DPP6: variants seen among roughly 807,000 people sequenced by gnomAD.
The protein encoded by DPP6 is A-type potassium channel modulatory protein DPP6.
DPP6 carries 69 observed loss-of-function variants against 122.6 expected under a neutral mutation model. The observed-to-expected ratio is 0.56, with a 90% CI of 0.46 to 0.69. DPP6 has a LOEUF of 0.69. Among genes scored for constraint, DPP6 ranks in the 30% least tolerant of loss-of-function variants. The pLI is 0.00. For missense variants in DPP6, 928 were observed against 1,116.9 expected (o/e 0.83, Z 2.41); for synonymous variants, 418 against 433.1 (o/e 0.97, Z 0.43).
At chr7:153,773,283 G>C in the DPP6 span, among the ~76,000 whole-genome samples, 1 of 144,570 alleles carries the variant, frequency 6.9e-6, no homozygotes, top group African/African-American at 2.5e-5. Flanking sequence ...GTGTGTGTGT[G>C]TGTGTGTGTC....
chr7:154,330,278 A>G lies in DPP6; in HGVS notation c.244-115936A>G, dbSNP rs1310820241. On this transcript the variant is annotated intron_variant, in intron 1 of 25. Transcript: ENST00000377770. ...CTAATTAATTGAAATTGAGATCACC[A>G]CAGATGGCAGAGGCTTTCATGTCAG... Among the ~76,000 whole-genome samples the G allele has an allele frequency of 3.9e-5, 6 of 152,254 alleles. No homozygotes were observed. In the East Asian group the frequency reaches 1.2e-3, roughly 29 times the overall value.
intron 1 of DPP6, among the ~76,000 whole-genome samples, chr7:154,370,864 G>A (rs575849423): frequency 1.3e-5 from 2 of 152,234 alleles, no homozygotes; most frequent in East Asian, 1.9e-4. Context: ...AAGTGAGTGC[G>A]GATTTCTAAT....
At chr7:154,559,347 G>GAA (rs372642507) in intron 4 of DPP6, among the ~76,000 whole-genome samples, 1,343 of 114,968 alleles carry the variant, frequency 0.012, 19 homozygotes, top group African/African-American at 0.039. Context: ...AGAGAAACTT[G>GAA]AAAAAAAAAA....
chr7:154,508,370 T>G (rs564160271), intron 3 of DPP6, among the ~76,000 whole-genome samples: 1 of 151,982 alleles, frequency 6.6e-6, no homozygotes, highest in Admixed American at 6.6e-5. Flanking sequence ...GGGACTGGGG[T>G]TCCCTCCAGC....
At chr7:154,107,332 G>T (rs1208151262) in intron 1 of DPP6, among the ~76,000 whole-genome samples, 1 of 152,208 alleles carries the variant, frequency 6.6e-6, no homozygotes, top group Non-Finnish European at 1.5e-5. Flanking sequence ...AATAAGCCAG[G>T]CACAGAAAGA....
intron 5 of DPP6, among the ~76,000 whole-genome samples, chr7:154,574,677 G>C: frequency 7.4e-6 from 1 of 135,254 alleles, no homozygotes; most frequent in South Asian, 2.6e-4. Context: ...TGTGTGGTGT[G>C]TGTGGTATAT....
intron 1 of DPP6, among the ~76,000 whole-genome samples, chr7:154,385,007 C>G (rs1477804782): frequency 1.3e-5 from 2 of 152,094 alleles, no homozygotes; most frequent in Non-Finnish European, 2.9e-5. Flanking sequence ...GGGAGTCTCG[C>G]TCTGTCGCCC....
intron 7 of DPP6, among the ~76,000 whole-genome samples, chr7:154,700,611 A>G (rs4960593): frequency 0.75 from 114,734 of 152,190 alleles, 45,361 homozygotes; most frequent in Non-Finnish European, 0.88. Context: ...AATCAGCTTC[A>G]GTTCTTTAAG....
intron 3 of DPP6, among the ~76,000 whole-genome samples, chr7:154,520,483 C>T (rs555799485): frequency 1.3e-5 from 2 of 152,370 alleles, no homozygotes; most frequent in South Asian, 2.1e-4. Context: ...AAAATAGAGG[C>T]CAAATTTCCA....
At chr7:154,524,049 A>C (rs936524169) in intron 3 of DPP6, among the ~76,000 whole-genome samples, 9 of 152,226 alleles carry the variant, frequency 5.9e-5, no homozygotes, top group African/African-American at 2.2e-4. Flanking sequence ...CAGTCTTCTG[A>C]AAGGTGGAAC....
Position 154,868,032 on chromosome 7 carries a change from G to C in DPP6, c.1752G>C (p.Lys584Asn), listed in dbSNP as rs992750742. ...TAGAAACAAATGAACATGTCAAGAA[G>C]GCCATAAATGACCGACAGATGCCTA... ...FDLETNEHVK[K>N]AINDRQMPKV... The change falls in exon 18 of 26, where the codon AAG becomes AAC. Residue 584 changes from lysine (K) to asparagine (N), a missense_variant. Coordinates refer to ENST00000377770, the MANE Select transcript of DPP6 (RefSeq NM_130797.4). 6.2e-7 allele frequency: 1 copy of C among 1,608,244 alleles called. No homozygotes were observed. The highest frequency in any genetic ancestry group is 1.3e-5 in the African/African-American group (1 of 74,842).
At position 154,875,708 on chromosome 7, in the gene DPP6, T is replaced by C. The variant is rs1038876583; in HGVS notation, c.1884-198T>C. On this transcript the variant is annotated intron_variant, in intron 19 of 25. Coordinates refer to ENST00000377770, the MANE Select transcript of DPP6 (RefSeq NM_130797.4). This position sits in a 1 kb window ranked among gnomAD's most constrained non-coding sequence, Gnocchi z 4.5. ...GTGTCCTAGGCTCTTGGAGGTCTCCTCTTCCTCCTCACTTTATGGGGTGTG... is the reference window on the plus strand; with the variant it reads ...GTGTCCTAGGCTCTTGGAGGTCTCCCCTTCCTCCTCACTTTATGGGGTGTG... Among the ~76,000 whole-genome samples, 1 of 152,142 alleles carries C rather than the reference T, an allele frequency of 6.6e-6. No individual in the cohort carries two copies. The highest frequency in any genetic ancestry group is 2.4e-5 in the African/African-American group (1 of 41,432).
At chr7:154,751,415 C>T (rs1028469249) in intron 8 of DPP6, among the ~76,000 whole-genome samples, 2 of 149,068 alleles carry the variant, frequency 1.3e-5, no homozygotes, top group Non-Finnish European at 3.0e-5. Flanking sequence ...GCCTGGCCAA[C>T]ATGGCAAAAC....
At chr7:153,927,528 AT>A (rs1308903999) in intron 1 of DPP6, among the ~76,000 whole-genome samples, 1 of 152,078 alleles carries the variant, frequency 6.6e-6, no homozygotes, top group Non-Finnish European at 1.5e-5. Flanking sequence ...CTTCAGTGAT[AT>A]CCATTGTAAC....
intron 3 of DPP6, among the ~76,000 whole-genome samples, chr7:154,523,201 T>G (rs1177748407): frequency 5.9e-5 from 9 of 152,224 alleles, no homozygotes; most frequent in Non-Finnish European, 1.0e-4. Context: ...GACATTACTG[T>G]GGTCTTTCTA....
the DPP6 span, among the ~76,000 whole-genome samples, chr7:153,776,784 G>A: frequency 6.6e-6 from 1 of 152,086 alleles, no homozygotes; most frequent in Non-Finnish European, 1.5e-5. Flanking sequence ...AAAAATTATA[G>A]ACTCACATGT....
rs910334660 is a variant in DPP6 at position 154,710,817 on chromosome 7, G to A, written c.763-16950G>A. Among the ~76,000 whole-genome samples, 7 of 152,372 alleles carry A rather than the reference G, an allele frequency of 4.6e-5. No homozygotes were observed. In the South Asian group the frequency reaches 1.4e-3, roughly 32 times the overall value. On this transcript the variant is annotated intron_variant, in intron 7 of 25. Transcript: ENST00000377770. ...ATTTGCAGGATTGGCACAGTCTCCA[G>A]TGAAGACTCTCCTGTGGGCTTCAGG... is the stretch of plus-strand genomic sequence containing the variant.
chr7:154,240,277 G>A (rs1160330034), intron 1 of DPP6, among the ~76,000 whole-genome samples: 1 of 152,100 alleles, frequency 6.6e-6, no homozygotes, highest in East Asian at 1.9e-4. Flanking sequence ...AGCGTAGATT[G>A]TCTCTGTTAC....
At chr7:154,256,125 G>GA (rs1563376006) in intron 1 of DPP6, among the ~76,000 whole-genome samples, 1 of 152,102 alleles carries the variant, frequency 6.6e-6, no homozygotes, top group Non-Finnish European at 1.5e-5. Context: ...CTGTAGACTC[G>GA]AACATGATTT....
Sources: allele counts gnomAD v4.1 joint callset (sites outside exome capture counted in the v4.1 genomes callset), GRCh38; gene constraint gnomAD v4.1.1; non-coding constraint Gnocchi (gnomAD v3.1); transcripts MANE v1.5; gene names NCBI Gene and HGNC (gene_info 2026-07-23, HGNC 2026-07-21).